The following N4BP2L2 variants were observed in gnomAD, a reference collection of about 807,000 sequenced individuals.
N4BP2L2 encodes the protein NEDD4-binding protein 2-like 2.
In N4BP2L2, 50 loss-of-function variants were observed where a neutral mutation model predicts 56.2. That is an observed-to-expected ratio of 0.89 (90% CI 0.71 to 1.13). The LOEUF is 1.13. Among genes scored for constraint, N4BP2L2 ranks in the 50% most tolerant of loss-of-function variants. The pLI, the probability that N4BP2L2 is intolerant of heterozygous loss-of-function variation, is 0.00. For missense variants in N4BP2L2, 689 were observed against 693.8 expected, an observed-to-expected ratio of 0.99 and a Z score of 0.08; for synonymous variants, 203 against 223.6, an observed-to-expected ratio of 0.91 and a Z score of 0.82.
At chr13:32,480,242 G>A (rs778578037) in intron 6 of N4BP2L2, among the ~76,000 whole-genome samples, 1 of 152,152 alleles carries the variant, frequency 6.6e-6, no homozygotes, top group Non-Finnish European at 1.5e-5. Context: ...GAAAAGAACT[G>A]TCAACCTACT....
intron 7 of N4BP2L2, among the ~76,000 whole-genome samples, chr13:32,440,880 C>T (rs1316046743): frequency 3.6e-5 from 5 of 137,368 alleles, no homozygotes; most frequent in Non-Finnish European, 7.7e-5. Context: ...CAGGGAGTCT[C>T]GCTCAGTCAC....
intron 1 of N4BP2L2, among the ~76,000 whole-genome samples, chr13:32,537,249 A>AATATATATATATGTATATATAC: frequency 6.6e-6 from 1 of 151,478 alleles, no homozygotes; most frequent in African/African-American, 2.4e-5. Flanking sequence ...CTTTTTGAAA[A>AATATATATATATGTATATATAC]ATATATATAT....
chr13:32,524,481 A>C (rs2140103524), intron 3 of N4BP2L2: 1 of 152,358 alleles, frequency 6.6e-6, no homozygotes, highest in East Asian at 1.9e-4. Flanking sequence ...AAATAATGGG[A>C]ATAGTTTTCT....
intron 6 of N4BP2L2, among the ~76,000 whole-genome samples, chr13:32,473,686 C>G (rs642604): frequency 0.56 from 85,366 of 151,922 alleles, 24,767 homozygotes; most frequent in Middle Eastern, 0.69. Context: ...TTTCCAGAGG[C>G]CACTGACATT....
chr13:32,455,135 A>G (rs1566049125), intron 6 of N4BP2L2, among the ~76,000 whole-genome samples: 1 of 152,234 alleles, frequency 6.6e-6, no homozygotes, highest in Non-Finnish European at 1.5e-5. Flanking sequence ...AGCCTAGTCC[A>G]TGCCATACTG....
downstream of N4BP2L2, chr13:32,507,058 A>G (rs1312440814): frequency 2.0e-5 from 3 of 152,178 alleles, no homozygotes; most frequent in Non-Finnish European, 4.4e-5. Context: ...TGGTAGTTTA[A>G]AATGTAGGAA....
chr13:32,502,430 T>C (rs2090176763), intron 6 of N4BP2L2, among the ~76,000 whole-genome samples: 1 of 152,064 alleles, frequency 6.6e-6, no homozygotes, highest in African/African-American at 2.4e-5. Flanking sequence ...ATCTTCACTG[T>C]ATTATCAAAA....
intron 6 of N4BP2L2, among the ~76,000 whole-genome samples, chr13:32,476,880 G>C (rs1383318477): frequency 6.6e-6 from 1 of 152,174 alleles, no homozygotes; most frequent in Non-Finnish European, 1.5e-5. Context: ...GGTGGGTGTG[G>C]CAGGACCATG....
intron 6 of N4BP2L2, among the ~76,000 whole-genome samples, chr13:32,468,268 C>CAAAGAAAAAAAAAAAA (rs2081597222): frequency 9.6e-6 from 1 of 103,998 alleles, no homozygotes; most frequent in Non-Finnish European, 1.9e-5. Context: ...CAAAAAGAGA[C>CAAAGAAAAAAAAAAAA]AAAAAAAAAA....
chr13:32,438,047 C>A (rs534097623), intron 8 of N4BP2L2, among the ~76,000 whole-genome samples: 2 of 152,032 alleles, frequency 1.3e-5, no homozygotes, highest in African/African-American at 4.8e-5. Flanking sequence ...TATTTTGATA[C>A]GTGTGTACAT....
At chr13:32,475,433 C>G (rs992338796) in intron 6 of N4BP2L2, among the ~76,000 whole-genome samples, 3 of 152,176 alleles carry the variant, frequency 2.0e-5, no homozygotes, top group Non-Finnish European at 4.4e-5. Flanking sequence ...GATTGGCTAG[C>G]ACGAATGTGC....
intron 6 of N4BP2L2, among the ~76,000 whole-genome samples, chr13:32,455,167 AT>A (rs1193102365): frequency 6.6e-6 from 1 of 152,196 alleles, no homozygotes; most frequent in Non-Finnish European, 1.5e-5. Context: ...CACTAGAAAT[AT>A]CCCCCCACAT....
At chr13:32,517,788 T>C in exon 6 of N4BP2L2, 1 of 1,611,660 alleles carries the variant, frequency 6.2e-7, no homozygotes, top group Non-Finnish European at 8.5e-7. Context: ...ATGTGTTAGC[T>C]GAAAATAGCT....
chr13:32,515,275 A>G (rs113486046), exon 6 of N4BP2L2: 2 of 152,108 alleles, frequency 1.3e-5, no homozygotes, highest in Non-Finnish European at 2.9e-5. Flanking sequence ...CTACAAAAAA[A>G]TTTTTTTAAT....
rs1485451515 is a variant in N4BP2L2, at chr13:32,451,051, A to AT, written c.366-6926dup. 9.1e-3 allele frequency among the ~76,000 whole-genome samples: 1,383 copies of AT among 152,212 alleles called. 27 individuals are homozygous for AT. The highest frequency in any genetic ancestry group is 0.032 in the African/African-American group (1,330 of 41,530). On this transcript the variant is annotated intron_variant, in intron 6 of 9. Coordinates refer to the N4BP2L2 transcript ENST00000357505. ...TACTTAAAGGGATATTTGCATAAAC[A>AT]TTCACATTAAAAAGGAAAGACACAA...
intron 2 of N4BP2L2, among the ~76,000 whole-genome samples, chr13:32,533,670 G>A (rs2055677164): frequency 6.6e-6 from 1 of 151,614 alleles, no homozygotes; most frequent in Admixed American, 6.6e-5. Flanking sequence ...GAATTCCTGG[G>A]CTCAAACAAT....
intron 1 of N4BP2L2, among the ~76,000 whole-genome samples, chr13:32,538,071 G>T (rs1214666029): frequency 1.6e-5 from 1 of 61,604 alleles, no homozygotes; most frequent in Non-Finnish European, 3.0e-5. Flanking sequence ...ACCCCGTCTT[G>T]GGGGGGGGGG....
At chr13:32,478,433 A>G (rs1408709682) in intron 6 of N4BP2L2, 3 of 172,030 alleles carry the variant, frequency 1.7e-5, no homozygotes, top group Non-Finnish European at 2.5e-5. Flanking sequence ...CCCCAGCCAA[A>G]GCAGCTTTAG....
At chr13:32,498,985 T>A in intron 6 of N4BP2L2, among the ~76,000 whole-genome samples, 1 of 73,764 alleles carries the variant, frequency 1.4e-5, no homozygotes, top group South Asian at 3.7e-4. Context: ...CAAGACTCTG[T>A]CTAAAAAAAA....
Sources: allele counts gnomAD v4.1 joint callset (sites outside exome capture counted in the v4.1 genomes callset), GRCh38; gene constraint gnomAD v4.1.1; transcripts MANE v1.5; gene names NCBI Gene and HGNC (gene_info 2026-07-23, HGNC 2026-07-21).